Variants in SS18 observed in about 807,000 individuals in gnomAD.
SS18 encodes the protein SS18 subunit of BAF chromatin remodeling complex, also known as protein SSXT.
SS18 carries 28 observed loss-of-function variants against 72.5 expected under a neutral mutation model. That is an observed-to-expected ratio of 0.39 (90% CI 0.29 to 0.53). SS18 has a LOEUF of 0.53. Ranked by LOEUF, SS18 falls within the 20% of genes least tolerant of loss-of-function variation. SS18 has a pLI of 0.76. For missense variants in SS18, 518 were observed against 535.3 expected, an observed-to-expected ratio of 0.97 and a Z score of 0.32; for synonymous variants, 172 against 164.2, an observed-to-expected ratio of 1.05 and a Z score of -0.37.
upstream of SS18, chr18:26,090,714 C>A: frequency 1.2e-6 from 1 of 851,136 alleles, no homozygotes; most frequent in South Asian, 1.6e-5. Context: ...GGCGGCGGGG[C>A]AGGCCTGAAG....
chr18:26,048,612 T>A (rs2143953793), intron 5 of SS18, among the ~76,000 whole-genome samples: 1 of 152,324 alleles, frequency 6.6e-6, no homozygotes, highest in South Asian at 2.1e-4. Flanking sequence ...TACATGCTCT[T>A]TGCCCTTCAT....
Position 26,039,339 on chromosome 18 carries a change from T to C in SS18, c.725A>G (p.Asn242Ser), listed in dbSNP as rs1370773723. 5 of 1,613,930 alleles carry C rather than the reference T, an allele frequency of 3.1e-6. No individual in the cohort carries two copies. The highest frequency in any genetic ancestry group is 1.3e-5 in the African/African-American group (1 of 75,018). Residue 242 changes from asparagine (N) to serine (S), a missense_variant, in exon 6 of 11, where the codon AAT becomes AGT. By Grantham distance (46) the Asn-to-Ser change is conservative. Transcript: ENST00000415083. Reference sequence around the variant, plus strand: ...AATCTGTCTCTGACCCATCATATGATTGCCTTGGTTAACTTGACCCATCAT... The same window carrying C: ...AATCTGTCTCTGACCCATCATATGACTGCCTTGGTTAACTTGACCCATCAT... ...MGMMGQVNQG[N>S]HMMGQRQIPP... is the part of the protein sequence containing the mutation.
chr18:26,054,380 T>C (rs185677034), intron 4 of SS18, among the ~76,000 whole-genome samples: 202 of 152,342 alleles, frequency 1.3e-3, no homozygotes, highest in South Asian at 4.3e-3. Context: ...CAGGAATTTA[T>C]GCTAGAGATA....
intron 2 of SS18, chr18:26,081,083 C>G (rs1477278670): frequency 8.3e-6 from 1 of 120,928 alleles, no homozygotes; most frequent in African/African-American, 3.8e-5. Flanking sequence ...AGCGAGACTC[C>G]GTCTCAAAAA....
intron 6 of SS18, 125 bp from the exon 7 acceptor site, chr18:26,038,784 T>C: frequency 1.2e-6 from 1 of 864,554 alleles, no homozygotes; most frequent in Non-Finnish European, 1.8e-6. Context: ...TAATTTGGCA[T>C]TTCAGATACT....
chr18:26,090,999 C>T (rs766421218), upstream of SS18: 15 of 220,986 alleles, frequency 6.8e-5, no homozygotes, highest in Non-Finnish European at 1.3e-4. Context: ...GCCGTGGCAA[C>T]TTGCCTCCCT....
intron 3 of SS18, among the ~76,000 whole-genome samples, chr18:26,064,451 A>G (rs888983218): frequency 2.0e-5 from 3 of 152,194 alleles, no homozygotes; most frequent in Non-Finnish European, 2.9e-5. Flanking sequence ...AATTTATTAC[A>G]GGAATGTAAG....
At chr18:26,044,494 T>C (rs1352868518) in intron 5 of SS18, among the ~76,000 whole-genome samples, 1 of 151,604 alleles carries the variant, frequency 6.6e-6, no homozygotes, top group Admixed American at 6.6e-5. Context: ...CGGCTAATTT[T>C]TGTATTTTTA....
At chr18:26,079,675 T>C (rs1016691521) in intron 2 of SS18, among the ~76,000 whole-genome samples, 8 of 152,132 alleles carry the variant, frequency 5.3e-5, no homozygotes, top group Non-Finnish European at 1.0e-4. Flanking sequence ...CTTGATCTCC[T>C]GGGCTCAAGC....
intron 6 of SS18, among the ~76,000 whole-genome samples, chr18:26,039,047 C>T (rs1397823361): frequency 6.6e-6 from 1 of 151,542 alleles, no homozygotes; most frequent in East Asian, 1.9e-4. Flanking sequence ...GTATTTTCTG[C>T]TGTGAATTAG....
At chr18:26,045,373 A>C (rs1378896247) in intron 5 of SS18, among the ~76,000 whole-genome samples, 1 of 151,452 alleles carries the variant, frequency 6.6e-6, no homozygotes, top group Non-Finnish European at 1.5e-5. Context: ...ACTTTCACTC[A>C]CTCCGCTCCA....
At chr18:26,050,421 AAT>A (rs1455800558) in intron 5 of SS18, among the ~76,000 whole-genome samples, 1 of 152,150 alleles carries the variant, frequency 6.6e-6, no homozygotes, top group Non-Finnish European at 1.5e-5. Context: ...AAACTAAGAA[AAT>A]GTTTTATAAT....
At position 26,039,418 on chromosome 18, in the gene SS18, T is replaced by C. The variant is rs747393260; in HGVS notation, c.646A>G (p.Asn216Asp). ...MHQQPPSQQY[N>D]MPQGGGQHYQ... is the part of the protein sequence containing the mutation. ...TGCTGTCCGCCTCCCTGTGGCATAT[T>C]GTATTGCTGAGAAGGAGGCTGCTGA... Residue 216 changes from asparagine (N) to aspartate (D), a missense_variant, in exon 6 of 11, where the codon AAT (asparagine) becomes GAT (aspartate). Physicochemically the swap from Asn to Asp is conservative, Grantham distance 23 (BLOSUM62 1). Transcript: ENST00000415083. The C allele has an allele frequency of 6.2e-7, 1 of 1,613,802 alleles. No individual in the cohort carries two copies. Among genetic ancestry groups the C allele is most frequent in the Non-Finnish European group, 8.5e-7 (1 of 1,179,806 alleles).
chr18:26,047,472 A>T lies in SS18; in HGVS notation c.607+5152T>A, dbSNP rs1014145710. Among the ~76,000 whole-genome samples, 5 of 4,950 alleles carry T rather than the reference A, an allele frequency of 1.0e-3. No individual in the cohort carries two copies. In the Non-Finnish European group the frequency reaches 0.045, roughly 45 times the overall value. The allele number at this position is 4,950 out of a possible 152,430, so 3.2% of individuals were successfully genotyped here. ...AATGCTGGGTCAAAGTTCTGATATA[A>T]TTGGGAAAAATCACATTTTTTCATG... On this transcript the variant is annotated intron_variant, in intron 5 of 10. Coordinates refer to ENST00000415083, the MANE Select transcript of SS18 (RefSeq NM_001007559.3).
chr18:26,057,523 G>T, intron 4 of SS18, 66 bp downstream of exon 4: 1 of 1,586,530 alleles, frequency 6.3e-7, no homozygotes, highest in South Asian at 1.1e-5. Flanking sequence ...AGTATCCCTT[G>T]AGCCCCCATG....
intron 10 of SS18, among the ~76,000 whole-genome samples, chr18:26,022,657 T>C (rs962124163): frequency 6.6e-6 from 1 of 151,870 alleles, no homozygotes; most frequent in African/African-American, 2.4e-5. Context: ...AGGCTTAGAG[T>C]CTGGAGAGAA....
intron 3 of SS18, among the ~76,000 whole-genome samples, chr18:26,072,137 G>A (rs1041238133): frequency 2.6e-5 from 4 of 151,932 alleles, no homozygotes; most frequent in East Asian, 1.9e-4. Flanking sequence ...CAACAACAAC[G>A]AAAAGGTCAT....
In SS18 at chr18:26,035,556, G is replaced by T; in HGVS notation, c.973+275C>A. 3.1e-6 allele frequency: 1 copy of T among 321,498 alleles called. No individual in the cohort carries two copies. The allele number at this position is 321,498 out of a possible 1,614,324, so 19.9% of individuals were successfully genotyped here. On this transcript the variant is annotated intron_variant, in intron 8 of 10. Transcript: ENST00000415083. The surrounding 1 kb of genome is among the most constrained non-coding windows in gnomAD (Gnocchi z 4.4). Reference sequence around the variant, plus strand: ...CACACACGAGAAAAAAAAGTTTGATGGATTTATGTTCAAATAGAAAATTTC... The same window carrying T: ...CACACACGAGAAAAAAAAGTTTGATTGATTTATGTTCAAATAGAAAATTTC...
chr18:26,078,270 G>A (rs1450600097), intron 2 of SS18, 110 bp from the exon 3 acceptor site: 8 of 671,514 alleles, frequency 1.2e-5, no homozygotes, highest in South Asian at 6.7e-5. Flanking sequence ...TTTGTTACCC[G>A]AACATCAATA....
Sources: allele counts gnomAD v4.1 joint callset (sites outside exome capture counted in the v4.1 genomes callset), GRCh38; gene constraint gnomAD v4.1.1; non-coding constraint Gnocchi (gnomAD v3.1); transcripts MANE v1.5; gene names NCBI Gene and HGNC (gene_info 2026-07-23, HGNC 2026-07-21).